The following PSAT1 variants were observed in gnomAD, a reference collection of about 807,000 sequenced individuals.
PSAT1 encodes phosphoserine aminotransferase 1.
Under a neutral mutation model 40.3 loss-of-function variants are expected in PSAT1, and 41 were observed. That is an observed-to-expected ratio of 1.02 (90% CI 0.79 to 1.32). The LOEUF is 1.32. PSAT1 is among the 40% of genes most tolerant of loss of function. The probability of loss-of-function intolerance (pLI) is 0.00; values close to 1 mark genes in which losing one functional copy is unlikely to be tolerated. For synonymous variants in PSAT1, 147 were observed against 170.5 expected (o/e 0.86, Z 1.07); for missense variants, 406 against 455.8 (o/e 0.89, Z 0.99).
rs113603246 is a variant in PSAT1 at position 78,302,537 on chromosome 9, G to A, written c.191+514G>A. 3.2e-3 allele frequency among the ~76,000 whole-genome samples: 490 copies of A among 152,048 alleles called. 5 individuals are homozygous for A. Among genetic ancestry groups the A allele is most frequent in the African/African-American group, 0.011 (469 of 41,438 alleles). ...AGATCAGGAGATCAAGACCATGCTG[G>A]CTACCACGGTGAAACCCCATCTACT... On this transcript the variant is annotated intron_variant, in intron 3 of 8. Transcript: ENST00000376588.
chr9:78,311,357 C>T (rs1247712404), intron 6 of PSAT1, among the ~76,000 whole-genome samples: 1 of 152,054 alleles, frequency 6.6e-6, no homozygotes, highest in Non-Finnish European at 1.5e-5. Flanking sequence ...TTCAGAGGAG[C>T]CCAAGACCAT....
intron 3 of PSAT1, among the ~76,000 whole-genome samples, chr9:78,303,536 G>A (rs1353363120): frequency 6.6e-6 from 1 of 152,046 alleles, no homozygotes; most frequent in East Asian, 1.9e-4. Context: ...ACCTCGGCCT[G>A]GTTTCTTTCC....
At chr9:78,327,405 T>C (rs1250121028) in intron 7 of PSAT1, among the ~76,000 whole-genome samples, 1 of 152,176 alleles carries the variant, frequency 6.6e-6, no homozygotes, top group Non-Finnish European at 1.5e-5. Flanking sequence ...GAAAACTAGA[T>C]TCCACCTCTT....
At position 78,307,021 on chromosome 9, in the gene PSAT1, G is replaced by C. The variant is rs545937521; in HGVS notation, c.570+535G>C. Among the ~76,000 whole-genome samples, 21 of 152,202 alleles carry C rather than the reference G, an allele frequency of 1.4e-4. No individual in the cohort carries two copies. In the East Asian group the frequency reaches 3.7e-3, roughly 27 times the overall value. Reference sequence around the variant, plus strand: ...AGTGGTATTCTGCCTTTTTAATTGGGATAAAATATAACAAATTTTACCATT... The same window carrying C: ...AGTGGTATTCTGCCTTTTTAATTGGCATAAAATATAACAAATTTTACCATT... On this transcript the variant is annotated intron_variant, in intron 5 of 8. Coordinates refer to ENST00000376588, the MANE Select transcript of PSAT1 (RefSeq NM_058179.4).
Position 78,301,829 on chromosome 9 carries a change from A to G in PSAT1, c.122-125A>G, listed in dbSNP as rs1828111487. ...CTAAACTAAGTGAGCCTTGGCCCACAATTTGAATGCAGAATAACTGAAATT... is the reference window on the plus strand; with the variant it reads ...CTAAACTAAGTGAGCCTTGGCCCACGATTTGAATGCAGAATAACTGAAATT... On this transcript the variant is annotated intron_variant, in intron 2 of 8. Transcript: ENST00000376588. 3 of 774,150 alleles carry G rather than the reference A, an allele frequency of 3.9e-6. No homozygotes were observed. In the African/African-American group the frequency reaches 5.1e-5, roughly 13 times the overall value. The allele number at this position is 774,150 out of a possible 1,614,324, so 48.0% of individuals were successfully genotyped here. A position where few individuals can be genotyped will look rare whatever the true frequency, so the allele number is the denominator to read the frequency against.
intron 2 of PSAT1, among the ~76,000 whole-genome samples, chr9:78,301,593 A>C (rs1313149242): frequency 6.6e-6 from 1 of 152,194 alleles, no homozygotes; most frequent in Non-Finnish European, 1.5e-5. Flanking sequence ...GTGAGATCAC[A>C]GCATGGAATT....
chr9:78,306,816 C>T (rs10116267), intron 5 of PSAT1, among the ~76,000 whole-genome samples: 63,689 of 152,012 alleles, frequency 0.42, 14,764 homozygotes, highest in Middle Eastern at 0.53. Flanking sequence ...CAGATTATCC[C>T]GAGCCCAGGG....
At chr9:78,301,917 GA>G in intron 2 of PSAT1, 36 bp from the exon 3 acceptor site, 1 of 1,510,916 alleles carries the variant, frequency 6.6e-7, no homozygotes, top group Non-Finnish European at 9.2e-7. Context: ...TTTTGAGCTG[GA>G]ATATTTGTTA....
chr9:78,302,441 A>C (rs1587633508), intron 3 of PSAT1, among the ~76,000 whole-genome samples: 1 of 152,272 alleles, frequency 6.6e-6, no homozygotes, highest in East Asian at 1.9e-4. Flanking sequence ...TAAAAAATTC[A>C]AGTGGGGCCG....
intron 7 of PSAT1, among the ~76,000 whole-genome samples, chr9:78,327,070 C>T (rs990768239): frequency 3.4e-4 from 51 of 150,062 alleles, no homozygotes; most frequent in African/African-American, 1.2e-3. Flanking sequence ...ATTCTCCTGC[C>T]TCAGCCTCCT....
chr9:78,298,014 A>C (rs1005786055), intron 1 of PSAT1, among the ~76,000 whole-genome samples: 1 of 150,402 alleles, frequency 6.6e-6, no homozygotes, highest in Non-Finnish European at 1.5e-5. Flanking sequence ...CGAGTATTCT[A>C]ACTCTGGTAG....
At chr9:78,323,336 C>T (rs1302265567) in intron 7 of PSAT1, among the ~76,000 whole-genome samples, 1 of 152,072 alleles carries the variant, frequency 6.6e-6, no homozygotes, top group Non-Finnish European at 1.5e-5. Flanking sequence ...TTTGGGAGGC[C>T]AAGGTGGGAG....
At chr9:78,319,800 G>A (rs1828400347) in intron 7 of PSAT1, among the ~76,000 whole-genome samples, 1 of 152,194 alleles carries the variant, frequency 6.6e-6, no homozygotes, top group African/African-American at 2.4e-5. Flanking sequence ...CAAAGGCACT[G>A]AGGGAAGAGT....
intron 1 of PSAT1, 121 bp from the exon 2 acceptor site, chr9:78,300,481 G>A: frequency 1.6e-6 from 2 of 1,275,312 alleles, no homozygotes; most frequent in Non-Finnish European, 2.1e-6. Context: ...TGTGGGTGGG[G>A]ATGGAAGCCT....
chr9:78,297,708 G>A (rs1828046903), intron 1 of PSAT1, among the ~76,000 whole-genome samples: 1 of 152,222 alleles, frequency 6.6e-6, no homozygotes, highest in African/African-American at 2.4e-5. Context: ...TGCATGAATG[G>A]ACATAGTGTG....
intron 6 of PSAT1, among the ~76,000 whole-genome samples, chr9:78,313,661 T>G (rs1476676292): frequency 6.6e-6 from 1 of 152,210 alleles, no homozygotes. Context: ...TTATTTTTGT[T>G]AGAGACAGGG....
At chr9:78,307,694 G>C (rs1828205203) in intron 5 of PSAT1, among the ~76,000 whole-genome samples, 1 of 152,134 alleles carries the variant, frequency 6.6e-6, no homozygotes, top group Non-Finnish European at 1.5e-5. Flanking sequence ...TGTCATAACA[G>C]TCCCTTTCTC....
chr9:78,297,470 C>T (rs1210780243), intron 1 of PSAT1, among the ~76,000 whole-genome samples, 200 bp downstream of exon 1: 1 of 152,220 alleles, frequency 6.6e-6, no homozygotes, highest in Non-Finnish European at 1.5e-5. Context: ...GGAAGCTCGG[C>T]GAGGCGTGCC....
rs185041340 is a variant in PSAT1 at position 78,305,998 on chromosome 9, A to C, written c.398-316A>C. On this transcript the variant is annotated intron_variant, in intron 4 of 8. Coordinates refer to ENST00000376588, the MANE Select transcript of PSAT1 (RefSeq NM_058179.4). ...CTGTAGCCTCCAGCTCCTGGGCTCA[A>C]GTGATCCTCCCACCTTAGCCTCCTA... 1.8e-3 allele frequency among the ~76,000 whole-genome samples: 269 copies of C among 152,316 alleles called. 2 individuals are homozygous for C. The highest frequency in any genetic ancestry group is 6.0e-3 in the African/African-American group (251 of 41,570).
Sources: allele counts gnomAD v4.1 joint callset (sites outside exome capture counted in the v4.1 genomes callset), GRCh38; gene constraint gnomAD v4.1.1; transcripts MANE v1.5; gene names NCBI Gene and HGNC (gene_info 2026-07-23, HGNC 2026-07-21).